The following CPNE3 variants were observed in gnomAD, a reference collection of about 807,000 sequenced individuals.
CPNE3 encodes copine-3.
A neutral mutation model predicts 63.9 loss-of-function variants in CPNE3; 68 were observed. That is an observed-to-expected ratio of 1.06 (90% CI 0.87 to 1.30). The LOEUF is 1.30. Among genes scored for constraint, CPNE3 ranks in the 50% most tolerant of loss-of-function variants. The pLI is 0.00. For synonymous variants in CPNE3, 219 were observed against 197.5 expected (o/e 1.11, Z -0.91); for missense variants, 665 against 578.1 (o/e 1.15, Z -1.54).
intron 6 of CPNE3, among the ~76,000 whole-genome samples, chr8:86,537,207 T>C (rs1275275000): frequency 6.6e-6 from 1 of 152,220 alleles, no homozygotes; most frequent in Non-Finnish European, 1.5e-5. Flanking sequence ...ATGTTTGTGA[T>C]ATCATTTATA....
In CPNE3 at chr8:86,554,851, G is replaced by T; in HGVS notation, c.1121G>T (p.Gly374Val). 1 of 1,611,884 alleles carries T rather than the reference G, an allele frequency of 6.2e-7. No individual in the cohort carries two copies. The highest frequency in any genetic ancestry group is 8.5e-7 in the Non-Finnish European group (1 of 1,178,958). ...NFNPSNPYCN[G>V]IQGIVEAYRS... Reference sequence around the variant, plus strand: ...TTTTTTATTTGTTTGTTTGTTCTAGGAATCCAAGGCATTGTAGAGGCGTAT... The same window carrying T: ...TTTTTTATTTGTTTGTTTGTTCTAGTAATCCAAGGCATTGTAGAGGCGTAT... The change falls in exon 15 of 17, where the codon GGA becomes GTA. Residue 374 changes from glycine (G) to valine (V), a missense_variant and splice_region_variant. Coordinates refer to ENST00000517490, the MANE Select transcript of CPNE3 (RefSeq NM_003909.5).
rs1586853291 is a variant in CPNE3 at position 86,556,354 on chromosome 8, C to G, written c.1491+16C>G. 1.1e-6 allele frequency: 1 copy of G among 872,542 alleles called. No individual in the cohort carries two copies. The highest frequency in any genetic ancestry group is 1.3e-5 in the South Asian group (1 of 76,528). 54.0% of individuals were successfully genotyped at this position (872,542 alleles called of 1,614,324 possible). On this transcript the variant is annotated intron_variant, in intron 16 of 16. Transcript: ENST00000517490. ...GTTCCAGAATGTGAGTACCACTCCT[C>G]CCTACTCAAACACTAAAGTGACTGA... is the stretch of plus-strand genomic sequence containing the variant.
At position 86,547,746 on chromosome 8, in the gene CPNE3, G is replaced by T; in HGVS notation, c.855G>T (p.Met285Ile). 7.2e-7 allele frequency: 1 copy of T among 1,386,588 alleles called. No individual in the cohort carries two copies. The allele number at this position is 1,386,588 out of a possible 1,614,324, so 85.9% of individuals were successfully genotyped here. Residue 285 changes from methionine (M) to isoleucine (I), a missense_variant, in exon 11 of 17, where the codon ATG becomes ATT. Coordinates refer to ENST00000517490, the MANE Select transcript of CPNE3 (RefSeq NM_003909.5). ...AATGCACATTCCTTGACTATATAATGGGAGGATGTCAGCTGAATTTTACTG... is the reference window on the plus strand; with the variant it reads ...AATGCACATTCCTTGACTATATAATTGGAGGATGTCAGCTGAATTTTACTG... The part of the protein sequence containing the change: ...TVECTFLDYI[M>I]GGCQLNFTVG...
intron 16 of CPNE3, among the ~76,000 whole-genome samples, 190 bp downstream of exon 16, chr8:86,556,528 A>G (rs78125544): frequency 1.3e-5 from 2 of 152,244 alleles, no homozygotes; most frequent in African/African-American, 2.4e-5. Flanking sequence ...CTTGCAGGCT[A>G]TATGATAAAT....
At position 86,546,868 on chromosome 8, in the gene CPNE3, A is replaced by G. The variant is rs192506212; in HGVS notation, c.819+187A>G. ...TGGGATTACAGGCACCCACCACTAC[A>G]CCTGGCTAATTTTTGTATTTTTAGT... On this transcript the variant is annotated intron_variant, in intron 10 of 16. Coordinates refer to ENST00000517490, the MANE Select transcript of CPNE3 (RefSeq NM_003909.5). Among the ~76,000 whole-genome samples the G allele has an allele frequency of 2.9e-3, 439 of 151,958 alleles. 5 individuals carry two copies. The highest frequency in any genetic ancestry group is 9.9e-3 in the African/African-American group (411 of 41,438).
chr8:86,516,207 A>G (rs188607141), intron 2 of CPNE3, among the ~76,000 whole-genome samples: 2 of 152,276 alleles, frequency 1.3e-5, no homozygotes, highest in East Asian at 1.9e-4. Context: ...AAACCCCACA[A>G]TGAAGTCTGC....
At chr8:86,532,994 G>C (rs1450266903) in intron 6 of CPNE3, among the ~76,000 whole-genome samples, 1 of 151,854 alleles carries the variant, frequency 6.6e-6, no homozygotes, top group Non-Finnish European at 1.5e-5. Flanking sequence ...TTAGTATATA[G>C]CATGGATTAT....
chr8:86,561,349 A>G lies in CPNE3; in HGVS notation c.*2939A>G, dbSNP rs1029242367. The G allele has an allele frequency of 2.0e-5, 3 of 152,218 alleles. No homozygotes were observed. Among genetic ancestry groups the G allele is most frequent in the African/African-American group, 4.8e-5 (2 of 41,456 alleles). The allele number at this position is 152,218 out of a possible 1,614,324, so 9.4% of individuals were successfully genotyped here. A position where few individuals can be genotyped will look rare whatever the true frequency, so the allele number is the denominator to read the frequency against. On this transcript the variant is annotated 3_prime_UTR_variant, in exon 17 of 17. Coordinates refer to ENST00000517490, the MANE Select transcript of CPNE3 (RefSeq NM_003909.5). The stretch of plus-strand genomic sequence containing the variant: ...CAATACATGTGTAAGTTACTAATAT[A>G]TGAATTGATGCTAAATATATCTTAC...
At chr8:86,545,293 G>A (rs1821024288) in intron 9 of CPNE3, 1 of 152,592 alleles carries the variant, frequency 6.6e-6, no homozygotes, top group South Asian at 2.1e-4. Flanking sequence ...ATGCAGGGCA[G>A]TTGGCCCCAG....
At chr8:86,555,129 G>A (rs1250476556) in intron 15 of CPNE3, 145 bp downstream of exon 15, 1 of 1,196,308 alleles carries the variant, frequency 8.4e-7, no homozygotes, top group Non-Finnish European at 1.1e-6. Flanking sequence ...AGTAACTTTT[G>A]TTGTTGTTAT....
intron 2 of CPNE3, among the ~76,000 whole-genome samples, chr8:86,518,976 T>C (rs912004709): frequency 1.3e-5 from 2 of 152,076 alleles, no homozygotes; most frequent in Non-Finnish European, 2.9e-5. Context: ...AGCCATGTTG[T>C]CCAGGCTGCT....
rs1821284477 is a variant in CPNE3, at chr8:86,554,935, A to G, written c.1205A>G (p.Asn402Ser). ...YGPTNFSPII[N>S]HVARFAAAAT... is the part of the protein sequence containing the mutation. ...CCAACTAATTTTTCTCCAATCATAA[A>G]TCACGTGGCCAGGTTTGCTGCTGCA... Residue 402 changes from asparagine to serine, a missense_variant, in exon 15 of 17, where the codon AAT (asparagine) becomes AGT (serine). Transcript: ENST00000517490. 1.9e-6 allele frequency: 3 copies of G among 1,614,180 alleles called. No individual in the cohort carries two copies. Among genetic ancestry groups the G allele is most frequent in the South Asian group, 2.2e-5 (2 of 91,086 alleles).
chr8:86,526,038 A>T (rs1820534304), intron 2 of CPNE3, among the ~76,000 whole-genome samples: 1 of 152,162 alleles, frequency 6.6e-6, no homozygotes, highest in Non-Finnish European at 1.5e-5. Flanking sequence ...CAGGAAGTTG[A>T]AGTTACTTAT....
At chr8:86,518,490 G>A (rs1405696638) in intron 2 of CPNE3, among the ~76,000 whole-genome samples, 1 of 152,168 alleles carries the variant, frequency 6.6e-6, no homozygotes, top group African/African-American at 2.4e-5. Context: ...GCTAGGGGAT[G>A]CAGCACTGAT....
At chr8:86,523,104 A>G (rs1301488469) in intron 2 of CPNE3, among the ~76,000 whole-genome samples, 1 of 152,240 alleles carries the variant, frequency 6.6e-6, no homozygotes, top group Non-Finnish European at 1.5e-5. Flanking sequence ...CTGACTCAGT[A>G]ATAAAATAAT....
At chr8:86,527,423 C>T (rs909536041) in intron 2 of CPNE3, among the ~76,000 whole-genome samples, 13 of 152,148 alleles carry the variant, frequency 8.5e-5, no homozygotes, top group African/African-American at 2.9e-4. Context: ...CATCCCATCC[C>T]CAGTCCTTTT....
intron 10 of CPNE3, among the ~76,000 whole-genome samples, chr8:86,546,935 TC>T (rs1180983929): frequency 6.6e-5 from 10 of 152,186 alleles, no homozygotes; most frequent in Non-Finnish European, 1.3e-4. Context: ...GGTCTTGAAC[TC>T]CTGACCTTGT....
intron 16 of CPNE3, among the ~76,000 whole-genome samples, chr8:86,557,651 T>C (rs1764578355): frequency 6.6e-6 from 1 of 152,152 alleles, no homozygotes; most frequent in African/African-American, 2.4e-5. Context: ...GTAGGGATCT[T>C]TGTGGTGTTG....
chr8:86,514,785 C>T (rs1187804414), intron 1 of CPNE3: 1 of 152,126 alleles, frequency 6.6e-6, no homozygotes, highest in Admixed American at 6.5e-5. Context: ...CCGACGCCTC[C>T]TGGAGGAGCC....
Sources: allele counts gnomAD v4.1 joint callset (sites outside exome capture counted in the v4.1 genomes callset), GRCh38; gene constraint gnomAD v4.1.1; transcripts MANE v1.5; gene names NCBI Gene and HGNC (gene_info 2026-07-23, HGNC 2026-07-21).